Variants in TKTL1 observed in about 807,000 individuals in gnomAD.
TKTL1 encodes transketolase like 1, also known as transketolase-like protein 1.
In TKTL1, 1 loss-of-function variant was observed where a neutral mutation model predicts 39.3. The observed-to-expected ratio is 0.03, with a 90% CI of 0.01 to 0.12. TKTL1 has a LOEUF of 0.12. TKTL1 is among the 10% of genes least tolerant of loss of function. The pLI is 1.00. For synonymous variants in TKTL1, 262 were observed against 193.8 expected (o/e 1.35, Z -2.92); for missense variants, 575 against 509.6 (o/e 1.13, Z -1.24).
chrX:154,309,491 C>T, intron 3 of TKTL1, 49 bp downstream of exon 3: 4 of 1,055,960 alleles, frequency 3.8e-6, no homozygotes, highest in Non-Finnish European at 2.6e-6. Context: ...TCTACATCCC[C>T]TTCCTAGAGT....
chrX:154,296,246 C>T (rs2067227172), intron 1 of TKTL1, among the ~76,000 whole-genome samples: 1 of 111,311 alleles, frequency 9.0e-6, no homozygotes, highest in Non-Finnish European at 1.9e-5. Context: ...TCAATTTACC[C>T]ACGGCCAAAG....
At chrX:154,321,836 G>A (rs1196682911) in intron 8 of TKTL1, among the ~76,000 whole-genome samples, 1 of 108,790 alleles carries the variant, frequency 9.2e-6, no homozygotes, top group South Asian at 4.1e-4. Context: ...AGTCACGGCT[G>A]TCTGGGTGAA....
intron 8 of TKTL1, among the ~76,000 whole-genome samples, chrX:154,322,880 G>A (rs947667133): frequency 3.6e-5 from 4 of 111,774 alleles, no homozygotes; most frequent in Non-Finnish European, 7.5e-5. Context: ...TAAAGAGAAC[G>A]GGTTCAGAGA....
intron 7 of TKTL1, among the ~76,000 whole-genome samples, chrX:154,318,674 G>C (rs949992559): frequency 3.0e-4 from 29 of 95,944 alleles, no homozygotes; most frequent in East Asian, 1.3e-3. Flanking sequence ...CGCCACTGCA[G>C]TCCAGCCTGG....
intron 1 of TKTL1, among the ~76,000 whole-genome samples, chrX:154,297,010 C>T (rs1384962817): frequency 1.8e-5 from 2 of 111,784 alleles, no homozygotes; most frequent in Non-Finnish European, 3.8e-5. Flanking sequence ...AAGTTAAACC[C>T]AGCTGAGGGC....
In TKTL1 at chrX:154,320,738, C is replaced by A. The variant is rs374405985; in HGVS notation, c.1030-19C>A. The stretch of plus-strand genomic sequence containing the variant: ...GGCAATGCCCAGGGATGTTCTGATT[C>A]ATGTTCTCTGTGCTGCAGGTGAGCG... On this transcript the variant is annotated intron_variant, in intron 7 of 12. Transcript: ENST00000369915. 8.3e-7 allele frequency: 1 copy of A among 1,209,504 alleles called. No homozygotes were observed. Among genetic ancestry groups the A allele is most frequent in the African/African-American group, 1.7e-5 (1 of 57,807 alleles).
chrX:154,296,671 C>CAA (rs2067231809), intron 1 of TKTL1, among the ~76,000 whole-genome samples: 1 of 110,932 alleles, frequency 9.0e-6, no homozygotes, highest in Admixed American at 9.6e-5. Context: ...GTTTTGGTAT[C>CAA]AAAGTGTAAT....
At position 154,329,828 on chromosome X, in the gene TKTL1, A is replaced by T; in HGVS notation, c.*140A>T. 1 of 669,872 alleles carries T rather than the reference A, an allele frequency of 1.5e-6. No homozygotes were observed. 55.2% of individuals were successfully genotyped at this position (669,872 alleles called of 1,213,427 possible). ...CACCTTCATTCATCCCTAGTTCGGA[A>T]ATTCAAGCTAACTACTTACCCTTTA... On this transcript the variant is annotated 3_prime_UTR_variant, in exon 13 of 13. Transcript: ENST00000369915.
intron 1 of TKTL1, 153 bp from the exon 2 acceptor site, chrX:154,305,151 C>T (rs1157174498): frequency 8.5e-7 from 1 of 1,176,639 alleles, no homozygotes; most frequent in Non-Finnish European, 1.1e-6. Context: ...TTAAAGCGCC[C>T]TTCCAACCTG....
intron 1 of TKTL1, among the ~76,000 whole-genome samples, chrX:154,302,149 A>G (rs782169119): frequency 9.1e-6 from 1 of 110,355 alleles, no homozygotes; most frequent in South Asian, 3.8e-4. Flanking sequence ...GTGTTTCCTC[A>G]GTGATACTCC....
chrX:154,298,246 T>C (rs1277797839), intron 1 of TKTL1, among the ~76,000 whole-genome samples: 1 of 110,540 alleles, frequency 9.0e-6, no homozygotes, highest in Non-Finnish European at 1.9e-5. Context: ...AGGGTCTTGC[T>C]CTTTCACCCA....
chrX:154,319,381 G>A (rs1375421365), intron 7 of TKTL1, among the ~76,000 whole-genome samples: 7 of 112,288 alleles, frequency 6.2e-5, no homozygotes, highest in Non-Finnish European at 1.1e-4. Context: ...TGATCCCCCT[G>A]TAAGAGTCAG....
chrX:154,319,556 T>TGG (rs2067432043), intron 7 of TKTL1, among the ~76,000 whole-genome samples: 1 of 111,318 alleles, frequency 9.0e-6, no homozygotes, highest in African/African-American at 3.3e-5. Flanking sequence ...CTGACCAATA[T>TGG]GGTGAAACCT....
intron 3 of TKTL1, among the ~76,000 whole-genome samples, chrX:154,310,131 G>C (rs147966315): frequency 8.9e-6 from 1 of 111,949 alleles, no homozygotes; most frequent in African/African-American, 3.2e-5. Context: ...TTTGATTGTT[G>C]TGATTATTGT....
rs782503612 is a variant in TKTL1, at chrX:154,315,220, C to T, written c.912C>T (p.Tyr304=). Residue 304 remains tyrosine, a synonymous_variant, in exon 7 of 13, where the codon TAC becomes TAT. Transcript: ENST00000369915. The part of the protein sequence containing the change: ...ACGLALAKLG[Y]ANNRVVVLDG... ...GTCTGGCTCTGGCTAAGCTGGGCTA[C>T]GCGAACAACAGAGTCGTTGTGCTGG... 2.6e-5 allele frequency: 31 copies of T among 1,209,557 alleles called. No individual in the cohort carries two copies. Among genetic ancestry groups the T allele is most frequent in the Non-Finnish European group, 3.2e-5 (29 of 894,993 alleles).
At position 154,305,290 on chromosome X, in the gene TKTL1, T is replaced by C. The variant is rs782677442; in HGVS notation, c.135-14T>C. On this transcript the variant is annotated splice_polypyrimidine_tract_variant and intron_variant, in intron 1 of 12. Coordinates refer to ENST00000369915, the MANE Select transcript of TKTL1 (RefSeq NM_012253.4). Reference sequence around the variant, plus strand: ...TTGCTGTGAGAAATGACCAGTGTCATGTCTGTCTTTCAGCCACCCTACATC... The same window carrying C: ...TTGCTGTGAGAAATGACCAGTGTCACGTCTGTCTTTCAGCCACCCTACATC... 1.7e-6 allele frequency: 2 copies of C among 1,203,427 alleles called. No individual in the cohort carries two copies. The highest frequency in any genetic ancestry group is 2.2e-6 in the Non-Finnish European group (2 of 888,935).
chrX:154,320,615 AAG>A (rs781799781), intron 7 of TKTL1, 140 bp from the exon 8 acceptor site: 139 of 612,258 alleles, frequency 2.3e-4, no homozygotes, highest in South Asian at 7.5e-4. Context: ...GGTTTGAGGA[AAG>A]AGGGGTGTGG....
intron 1 of TKTL1, among the ~76,000 whole-genome samples, chrX:154,299,837 G>A (rs1399543771): frequency 9.0e-6 from 1 of 111,362 alleles, no homozygotes; most frequent in African/African-American, 3.3e-5. Context: ...CCACTCATTG[G>A]TTGATGGACA....
chrX:154,300,483 C>A (rs1171430709), intron 1 of TKTL1, among the ~76,000 whole-genome samples: 1 of 112,097 alleles, frequency 8.9e-6, no homozygotes, highest in East Asian at 2.8e-4. Context: ...TGTCTTTCAC[C>A]TCCTTGGTTA....
Sources: gnomAD v4.1 joint callset for allele counts (sites outside exome capture counted in the v4.1 genomes callset) on GRCh38, gnomAD v4.1.1 for gene constraint, MANE v1.5 for transcripts, NCBI Gene and HGNC (gene_info 2026-07-23, HGNC 2026-07-21) for gene names.